ZNF638: variants seen among roughly 807,000 people sequenced by gnomAD.
The protein encoded by ZNF638 is zinc finger protein 638.
ZNF638 carries 46 observed loss-of-function variants against 195.6 expected under a neutral mutation model. The observed-to-expected ratio is 0.24, with a 90% CI of 0.19 to 0.30. The LOEUF (loss-of-function observed/expected upper bound fraction) is 0.30. ZNF638 is among the 10% of genes least tolerant of loss of function. The pLI is 1.00. For missense variants in ZNF638, 2,440 were observed against 2,325.3 expected, an observed-to-expected ratio of 1.05 and a Z score of -1.01; for synonymous variants, 845 against 772.0, an observed-to-expected ratio of 1.09 and a Z score of -1.57.
intron 19 of ZNF638, chr2:71,407,322 A>T (rs1481828660): frequency 6.6e-6 from 1 of 152,170 alleles, no homozygotes; most frequent in Non-Finnish European, 1.5e-5. Flanking sequence ...GGAATTCTGA[A>T]CCTTTCTTGT....
chr2:71,410,258 A>G lies in ZNF638; in HGVS notation c.3261+2011A>G, dbSNP rs1039713531. 9.9e-5 allele frequency among the ~76,000 whole-genome samples: 15 copies of G among 152,166 alleles called. No individual in the cohort carries two copies. The East Asian group carries it at 1.7e-3, about 18-fold the overall frequency. On this transcript the variant is annotated intron_variant, in intron 20 of 27. Coordinates refer to ENST00000264447, the MANE Select transcript of ZNF638 (RefSeq NM_014497.5). ...GTGCCATGGTTCAATCATGGCCCAC[A>G]TGATTTAAACCTTAACTCCTGGGCT...
At chr2:71,370,579 G>A (rs138110247) in intron 8 of ZNF638, among the ~76,000 whole-genome samples, 47 of 152,212 alleles carry the variant, frequency 3.1e-4, no homozygotes, top group Middle Eastern at 3.4e-3. Flanking sequence ...TTTCTGTTAA[G>A]TAAAAAGCTA....
chr2:71,368,574 T>A lies in ZNF638; in HGVS notation c.2142+46T>A, dbSNP rs776014815. On this transcript the variant is annotated intron_variant, in intron 7 of 27. Transcript: ENST00000264447. ...CAAAAATTCATACAAAGTGATTGCT[T>A]TAATGATTCTATAAATTGCTGTTGT... is the stretch of plus-strand genomic sequence containing the variant. 2.5e-6 allele frequency: 4 copies of A among 1,596,462 alleles called. No homozygotes were observed. The Admixed American group carries it at 7.0e-5, about 28-fold the overall frequency.
chr2:71,408,262 T>G lies in ZNF638; in HGVS notation c.3261+15T>G. 6.2e-7 allele frequency: 1 copy of G among 1,603,834 alleles called. No individual in the cohort carries two copies. Among genetic ancestry groups the G allele is most frequent in the Non-Finnish European group, 8.5e-7 (1 of 1,176,804 alleles). ...ACTTACCAGAGGTAAGATTTATCTT[T>G]CTTCAGCTTTTGTGATTTTAGAAAA... On this transcript the variant is annotated intron_variant, in intron 20 of 27. Coordinates refer to ENST00000264447, the MANE Select transcript of ZNF638 (RefSeq NM_014497.5).
intron 20 of ZNF638, 112 bp from the exon 21 acceptor site, chr2:71,418,490 T>G: frequency 1.4e-6 from 1 of 721,616 alleles, no homozygotes; most frequent in Non-Finnish European, 2.1e-6. Flanking sequence ...CTTTGATACA[T>G]TTTTAAGGTT....
intron 1 of ZNF638, among the ~76,000 whole-genome samples, chr2:71,332,523 G>T (rs552428436): frequency 1.3e-5 from 2 of 152,350 alleles, no homozygotes; most frequent in East Asian, 1.9e-4. Flanking sequence ...TATCACCTCT[G>T]TGGGAGACTG....
intron 23 of ZNF638, 89 bp from the exon 24 acceptor site, chr2:71,426,371 G>A (rs1160972918): frequency 1.0e-6 from 1 of 959,396 alleles, no homozygotes; most frequent in Non-Finnish European, 1.6e-6. Flanking sequence ...TCTCCCAAAT[G>A]ATCTGCATGC....
At chr2:71,367,200 T>C (rs1342350472) in intron 6 of ZNF638, among the ~76,000 whole-genome samples, 1 of 151,940 alleles carries the variant, frequency 6.6e-6, no homozygotes, top group Admixed American at 6.6e-5. Flanking sequence ...GTTCTTTTCA[T>C]TTTGTTTCAA....
chr2:71,414,048 G>A lies in ZNF638; in HGVS notation c.3262-4554G>A, dbSNP rs573840437. On this transcript the variant is annotated intron_variant, in intron 20 of 27. Transcript: ENST00000264447. ...CTGTTGATTGGAATAGTTTCAGAAG[G>A]AATGGTACCAGTTCCTCCTTGTACC... Among the ~76,000 whole-genome samples the A allele has an allele frequency of 2.3e-4, 32 of 140,586 alleles. No individual in the cohort carries two copies. The South Asian group carries it at 2.9e-3, about 13-fold the overall frequency. 92.2% of individuals were successfully genotyped at this position (140,586 alleles called of 152,430 possible). A position where few individuals can be genotyped will look rare whatever the true frequency, so the allele number is the denominator to read the frequency against.
At chr2:71,376,880 A>C (rs1221246121) in intron 8 of ZNF638, among the ~76,000 whole-genome samples, 1 of 152,140 alleles carries the variant, frequency 6.6e-6, no homozygotes, top group African/African-American at 2.4e-5. Context: ...AGTCTTTTTG[A>C]GCTACTCCTT....
chr2:71,359,933 A>C (rs1268213200), intron 3 of ZNF638, among the ~76,000 whole-genome samples: 1 of 152,188 alleles, frequency 6.6e-6, no homozygotes, highest in East Asian at 1.9e-4. Context: ...ATAGGTAATT[A>C]TGCTGTGTTT....
chr2:71,383,566 T>TGG (rs2079572875), intron 10 of ZNF638, among the ~76,000 whole-genome samples: 1 of 132,952 alleles, frequency 7.5e-6, no homozygotes, highest in Non-Finnish European at 1.6e-5. Flanking sequence ...GGTGGTTTTT[T>TGG]TTTTTTTTTT....
intron 3 of ZNF638, among the ~76,000 whole-genome samples, chr2:71,359,730 G>C (rs1156427451): frequency 6.6e-6 from 1 of 152,114 alleles, no homozygotes; most frequent in East Asian, 1.9e-4. Flanking sequence ...TTAGGTGCTT[G>C]GGATCTGCAT....
chr2:71,401,416 T>C (rs917143198), intron 15 of ZNF638, among the ~76,000 whole-genome samples: 2 of 152,166 alleles, frequency 1.3e-5, no homozygotes, highest in Non-Finnish European at 2.9e-5. Flanking sequence ...TTATTATGTA[T>C]TGCCTAAGTG....
At position 71,402,079 on chromosome 2, in the gene ZNF638, C is replaced by T. The variant is rs1346452884; in HGVS notation, c.2821C>T (p.His941Tyr). ...GLKDILILSS[H>Y]KKAYIEINRK... is the part of the protein sequence containing the mutation. ...AAAGGATATCTTGATTTTATCATCTCATAAAAAGGTAAGAGTTGATTAATA... is the reference window on the plus strand; with the variant it reads ...AAAGGATATCTTGATTTTATCATCTTATAAAAAGGTAAGAGTTGATTAATA... Residue 941 changes from histidine to tyrosine, a missense_variant, in exon 16 of 28, where the codon CAT (histidine) becomes TAT (tyrosine). This residue lies in a region of ZNF638 where 1,883 missense variants were observed against 1,739.1 expected (regional missense o/e 1.08). Coordinates refer to ENST00000264447, the MANE Select transcript of ZNF638 (RefSeq NM_014497.5). 2 of 1,604,354 alleles carry T rather than the reference C, an allele frequency of 1.2e-6. No homozygotes were observed. The highest frequency in any genetic ancestry group is 1.7e-6 in the Non-Finnish European group (2 of 1,175,498).
In ZNF638 at chr2:71,423,303, T is replaced by C. The variant is rs1326471739; in HGVS notation, c.3789T>C (p.Ala1263=). The part of the protein sequence containing the change: ...GITQTMVEAV[A]EVEKNETVSE... ...CACAGACTATGGTAGAAGCTGTAGC[T>C]GAAGTAGAAAAAAATGAAACTGTTT... The change falls in exon 22 of 28, where the codon GCT becomes GCC. Residue 1263 remains alanine (A), a synonymous_variant. Transcript: ENST00000264447. The C allele has an allele frequency of 6.2e-7, 1 of 1,613,728 alleles. No homozygotes were observed. The highest frequency in any genetic ancestry group is 1.3e-5 in the African/African-American group (1 of 74,872).
intron 1 of ZNF638, among the ~76,000 whole-genome samples, chr2:71,339,663 G>T (rs1195186543): frequency 6.6e-6 from 1 of 151,886 alleles, no homozygotes; most frequent in African/African-American, 2.4e-5. Flanking sequence ...AGTGGCTTTT[G>T]TTGTTGTTGT....
chr2:71,419,974 C>CCTTTTTT (rs1189202093), intron 21 of ZNF638, among the ~76,000 whole-genome samples: 8 of 27,022 alleles, frequency 3.0e-4, no homozygotes, highest in East Asian at 4.5e-3. Context: ...CCCCCCCCGC[C>CCTTTTTT]TTTTTTTTTT....
intron 18 of ZNF638, 111 bp from the exon 19 acceptor site, chr2:71,406,017 C>G: frequency 7.7e-7 from 1 of 1,297,488 alleles, no homozygotes; most frequent in Non-Finnish European, 1.1e-6. Flanking sequence ...TTTTCTTACT[C>G]TTGGGAGAGA....
Sources: gnomAD v4.1 joint callset for allele counts (sites outside exome capture counted in the v4.1 genomes callset) on GRCh38, gnomAD v4.1.1 for gene constraint, gnomAD v4.1.1 regional missense constraint, MANE v1.5 for transcripts, NCBI Gene and HGNC (gene_info 2026-07-23, HGNC 2026-07-21) for gene names.